Variants in MGAT4C observed in about 807,000 individuals in gnomAD.
MGAT4C encodes MGAT4 family member C.
MGAT4C carries 19 observed loss-of-function variants against 40.1 expected under a neutral mutation model. That is an observed-to-expected ratio of 0.47 (90% confidence interval 0.33 to 0.70). The LOEUF is 0.70. Among genes scored for constraint, MGAT4C ranks in the 30% least tolerant of loss-of-function variants. MGAT4C has a pLI of 0.02. For synonymous variants in MGAT4C, 181 were observed against 187.1 expected (o/e 0.97, Z 0.27); for missense variants, 491 against 563.2 (o/e 0.87, Z 1.30).
At chr12:86,816,217 T>C (rs1952604137) in intron 1 of MGAT4C, among the ~76,000 whole-genome samples, 1 of 151,896 alleles carries the variant, frequency 6.6e-6, no homozygotes, top group South Asian at 2.1e-4. Context: ...CTCTTTCATA[T>C]CTCCTATATT....
In MGAT4C at chr12:86,604,180, GAGAATGGAAATAATGGC is replaced by G. The variant is rs544222669; in HGVS notation, c.-229+123012_-229+123028del. On this transcript the variant is annotated intron_variant, in intron 2 of 7. Transcript: ENST00000548651. ...AGCTAAGAAAATGTGCTCCACCTGG[GAGAATGGAAATAATGGC>G]AGCTAAAGAAACTGCAGAAGTTGGG... Among the ~76,000 whole-genome samples, 137 of 152,212 alleles carry G rather than the reference GAGAATGGAAATAATGGC, an allele frequency of 9.0e-4. 1 individual carries two copies. Among genetic ancestry groups the G allele is most frequent in the African/African-American group, 3.2e-3 (131 of 41,542 alleles).
intron 3 of MGAT4C, among the ~76,000 whole-genome samples, chr12:86,358,167 C>T (rs952019257): frequency 6.6e-6 from 1 of 152,052 alleles, no homozygotes; most frequent in South Asian, 2.1e-4. Flanking sequence ...AGAGTGGGGG[C>T]CAATATACAA....
intron 2 of MGAT4C, among the ~76,000 whole-genome samples, chr12:86,630,917 G>T (rs1261750670): frequency 6.6e-6 from 1 of 152,158 alleles, no homozygotes; most frequent in East Asian, 1.9e-4. Flanking sequence ...AATCAGGCAA[G>T]AGAAAGAAAT....
chr12:86,804,866 G>T (rs907300243), intron 1 of MGAT4C, among the ~76,000 whole-genome samples: 1 of 116,990 alleles, frequency 8.5e-6, no homozygotes, highest in Non-Finnish European at 2.0e-5. Flanking sequence ...TATACTTGAC[G>T]AACTTTGGTA....
At chr12:86,354,322 T>A (rs1393665386) in intron 3 of MGAT4C, among the ~76,000 whole-genome samples, 1 of 152,198 alleles carries the variant, frequency 6.6e-6, no homozygotes, top group Non-Finnish European at 1.5e-5. Context: ...AGTAATATTT[T>A]AAAACTCTAA....
At chr12:86,087,499 TG>T (rs1360884721) in intron 1 of MGAT4C, among the ~76,000 whole-genome samples, 2 of 152,072 alleles carry the variant, frequency 1.3e-5, no homozygotes, top group African/African-American at 4.8e-5. Flanking sequence ...TATTTTGACT[TG>T]GCTCTCAGTT....
chr12:86,774,325 T>C (rs1231787433), intron 1 of MGAT4C, among the ~76,000 whole-genome samples: 1 of 102,710 alleles, frequency 9.7e-6, no homozygotes, highest in African/African-American at 3.5e-5. Context: ...CTTTCTTTCT[T>C]TCTTTCTTTC....
chr12:86,360,408 C>A (rs1467877312), intron 3 of MGAT4C, among the ~76,000 whole-genome samples: 1 of 152,148 alleles, frequency 6.6e-6, no homozygotes, highest in Non-Finnish European at 1.5e-5. Flanking sequence ...TGGAAGCATT[C>A]CCTTTGAAAA....
chr12:86,637,473 T>C (rs1963255143), intron 2 of MGAT4C, among the ~76,000 whole-genome samples: 1 of 151,990 alleles, frequency 6.6e-6, no homozygotes, highest in Non-Finnish European at 1.5e-5. Context: ...TAGCCAAATA[T>C]GTTAAGGTTA....
chr12:86,472,306 T>A (rs1383532298), intron 2 of MGAT4C, among the ~76,000 whole-genome samples: 1 of 152,158 alleles, frequency 6.6e-6, no homozygotes, highest in Non-Finnish European at 1.5e-5. Context: ...AAGACTTAAC[T>A]TTGTTTATGT....
intron 2 of MGAT4C, among the ~76,000 whole-genome samples, chr12:86,014,150 T>C (rs1306174885): frequency 5.9e-5 from 9 of 152,164 alleles, no homozygotes; most frequent in Non-Finnish European, 1.3e-4. Context: ...TTTTCCTCAA[T>C]ATCTCACCTG....
chr12:86,618,798 A>G (rs1408650513), intron 2 of MGAT4C, among the ~76,000 whole-genome samples: 1 of 152,156 alleles, frequency 6.6e-6, no homozygotes, highest in African/African-American at 2.4e-5. Flanking sequence ...TATATTGTAT[A>G]TTTGAAGACA....
At chr12:86,105,833 G>T (rs1458586873) in intron 1 of MGAT4C, among the ~76,000 whole-genome samples, 1 of 152,080 alleles carries the variant, frequency 6.6e-6, no homozygotes, top group East Asian at 1.9e-4. Flanking sequence ...TCAACATAAG[G>T]GTTCTGCCCC....
At chr12:85,997,207 A>T (rs1886727043) in intron 2 of MGAT4C, among the ~76,000 whole-genome samples, 1 of 152,186 alleles carries the variant, frequency 6.6e-6, no homozygotes, top group Admixed American at 6.5e-5. Context: ...ACCATCAGAT[A>T]TTGTGAGACT....
chr12:86,139,166 T>C (rs909495558), intron 1 of MGAT4C, among the ~76,000 whole-genome samples: 10 of 152,168 alleles, frequency 6.6e-5, no homozygotes, highest in African/African-American at 2.4e-4. Context: ...TTTTACAGTG[T>C]TTTATTAAGT....
At chr12:86,838,406 T>G (rs1399636548) in intron 1 of MGAT4C, among the ~76,000 whole-genome samples, 1 of 152,178 alleles carries the variant, frequency 6.6e-6, no homozygotes, top group African/African-American at 2.4e-5. Context: ...TAATATGAAC[T>G]TATGATAATG....
intron 1 of MGAT4C, among the ~76,000 whole-genome samples, chr12:86,149,116 G>C (rs1883941389): frequency 6.6e-6 from 1 of 152,050 alleles, no homozygotes; most frequent in African/African-American, 2.4e-5. Flanking sequence ...TAAATACAAT[G>C]TGAGAAATAT....
At chr12:86,446,970 C>T (rs1246417787) in intron 2 of MGAT4C, among the ~76,000 whole-genome samples, 1 of 151,872 alleles carries the variant, frequency 6.6e-6, no homozygotes, top group Non-Finnish European at 1.5e-5. Flanking sequence ...TAGTGTTTTA[C>T]ATCAAAAGAT....
In MGAT4C at chr12:86,539,615, G is replaced by T. The variant is rs7955599; in HGVS notation, c.-228-104350C>A. On this transcript the variant is annotated intron_variant, in intron 2 of 7. Coordinates refer to the MGAT4C transcript ENST00000548651. ...AATCGCCACACTGTCTTCCACAATG[G>T]TTGAACTAGTTTACACTCCCACCAA... Among the ~76,000 whole-genome samples the T allele has an allele frequency of 4.1e-3, 617 of 152,032 alleles. 9 individuals are homozygous for T. The highest frequency in any genetic ancestry group is 0.014 in the African/African-American group (589 of 41,496).
Sources: allele counts gnomAD v4.1 joint callset (sites outside exome capture counted in the v4.1 genomes callset), GRCh38; gene constraint gnomAD v4.1.1; transcripts MANE v1.5; gene names NCBI Gene and HGNC (gene_info 2026-07-23, HGNC 2026-07-21).